The following PTPRT variants were observed in gnomAD, a reference collection of about 807,000 sequenced individuals.
The protein encoded by PTPRT is receptor-type tyrosine-protein phosphatase T.
A neutral mutation model predicts 176.8 loss-of-function variants in PTPRT; 56 were observed. That is an observed-to-expected ratio of 0.32 (90% CI 0.26 to 0.40). PTPRT has a LOEUF of 0.40. Among genes scored for constraint, PTPRT ranks in the 10% least tolerant of loss-of-function variants. The pLI is 1.00. For missense variants in PTPRT, 1,540 were observed against 1,908.2 expected (o/e 0.81, Z 3.60); for synonymous variants, 783 against 739.0 (o/e 1.06, Z -0.96).
At position 42,616,450 on chromosome 20, in the gene PTPRT, A is replaced by C. The variant is rs1387904403; in HGVS notation, c.1153+61416T>G. Among the ~76,000 whole-genome samples, 3 of 125,884 alleles carry C rather than the reference A, an allele frequency of 2.4e-5. 1 individual carries two copies. The highest frequency in any genetic ancestry group is 5.0e-5 in the Non-Finnish European group (3 of 60,396). 82.6% of individuals were successfully genotyped at this position (125,884 alleles called of 152,430 possible). ...TTTTTTGGTTCCATATGAACTTTAA[A>C]GTAGTTTTTTCCAATTCTGTGAAGA... On this transcript the variant is annotated intron_variant, in intron 7 of 30. Coordinates refer to ENST00000373187, the MANE Select transcript of PTPRT (RefSeq NM_007050.6).
At chr20:42,595,639 C>T (rs369990309) in intron 7 of PTPRT, among the ~76,000 whole-genome samples, 3 of 152,172 alleles carry the variant, frequency 2.0e-5, no homozygotes, top group Admixed American at 6.5e-5. Flanking sequence ...CATGCTGCAG[C>T]CCCTACCTAA....
intron 8 of PTPRT, among the ~76,000 whole-genome samples, chr20:42,465,953 G>A (rs867669500): frequency 2.0e-5 from 3 of 152,032 alleles, no homozygotes; most frequent in Non-Finnish European, 4.4e-5. Flanking sequence ...AGGCCCCAGG[G>A]TGTGCTGTTC....
At position 42,591,885 on chromosome 20, in the gene PTPRT, C is replaced by T. The variant is rs146065981; in HGVS notation, c.1153+85981G>A. 4.2e-3 allele frequency among the ~76,000 whole-genome samples: 639 copies of T among 151,620 alleles called. 5 individuals carry two copies. Among genetic ancestry groups the T allele is most frequent in the African/African-American group, 0.015 (611 of 41,272 alleles). ...AATGAGAATAATGTATATAAGAGAC[C>T]GAGCACTGGTGGAGGATATAGCACA... On this transcript the variant is annotated intron_variant, in intron 7 of 30. Coordinates refer to ENST00000373187, the MANE Select transcript of PTPRT (RefSeq NM_007050.6).
At chr20:42,892,679 C>G (rs971094177) in intron 1 of PTPRT, among the ~76,000 whole-genome samples, 3 of 152,064 alleles carry the variant, frequency 2.0e-5, no homozygotes, top group African/African-American at 7.2e-5. Context: ...TGCTGAAAGT[C>G]CTAGTAGCTC....
At chr20:42,644,839 T>C (rs1216181072) in intron 7 of PTPRT, among the ~76,000 whole-genome samples, 1 of 152,184 alleles carries the variant, frequency 6.6e-6, no homozygotes, top group Non-Finnish European at 1.5e-5. Flanking sequence ...CAATAACTTA[T>C]ATTCATATGT....
intron 2 of PTPRT, among the ~76,000 whole-genome samples, chr20:42,826,100 A>T (rs2077987922): frequency 6.6e-6 from 1 of 152,040 alleles, no homozygotes; most frequent in Admixed American, 6.6e-5. Context: ...AGCAGAGAGG[A>T]TATAGCTTCA....
At chr20:42,473,201 G>T (rs2145294681) in intron 7 of PTPRT, among the ~76,000 whole-genome samples, 1 of 151,786 alleles carries the variant, frequency 6.6e-6, no homozygotes, top group Admixed American at 6.6e-5. Flanking sequence ...TTCTCCCCTG[G>T]TCCCTCTGGG....
chr20:43,132,914 A>G (rs2146383273), intron 1 of PTPRT, among the ~76,000 whole-genome samples: 1 of 152,188 alleles, frequency 6.6e-6, no homozygotes, highest in East Asian at 1.9e-4. Context: ...ATAATTATAT[A>G]TGAGTAAAGG....
At chr20:42,532,824 C>T (rs1012479330) in intron 7 of PTPRT, among the ~76,000 whole-genome samples, 1 of 152,126 alleles carries the variant, frequency 6.6e-6, no homozygotes, top group African/African-American at 2.4e-5. Context: ...AAACCCAGTC[C>T]TTTCAATACA....
chr20:42,716,924 A>G (rs73618862), intron 6 of PTPRT, among the ~76,000 whole-genome samples: 3 of 151,974 alleles, frequency 2.0e-5, no homozygotes, highest in Non-Finnish European at 2.9e-5. Context: ...TTCTCAGCAA[A>G]CTATCATAAG....
intron 1 of PTPRT, among the ~76,000 whole-genome samples, chr20:43,181,822 TAAC>T (rs1018244033): frequency 2.6e-4 from 40 of 152,088 alleles, no homozygotes; most frequent in African/African-American, 9.4e-4. Flanking sequence ...TAATAAATAA[TAAC>T]AAACCAAGAC....
chr20:42,119,924 A>T lies in PTPRT; in HGVS notation c.2884+11T>A, dbSNP rs776982397. 1.9e-5 allele frequency: 31 copies of T among 1,607,148 alleles called. No individual in the cohort carries two copies. The highest frequency in any genetic ancestry group is 2.6e-5 in the Non-Finnish European group (31 of 1,176,402). On this transcript the variant is annotated intron_variant, in intron 20 of 30. Transcript: ENST00000373187. ...CCTCTCTGAGGCACTAGGTGGAGGGAGGGCACTTACCTTGAGTCGCAATGT... is the reference window on the plus strand; with the variant it reads ...CCTCTCTGAGGCACTAGGTGGAGGGTGGGCACTTACCTTGAGTCGCAATGT...
At chr20:42,537,374 T>G (rs910530185) in intron 7 of PTPRT, among the ~76,000 whole-genome samples, 6 of 152,170 alleles carry the variant, frequency 3.9e-5, no homozygotes, top group African/African-American at 1.4e-4. Flanking sequence ...ATAAATGCAG[T>G]TATAATCTGT....
intron 1 of PTPRT, among the ~76,000 whole-genome samples, chr20:42,953,852 G>A (rs568158173): frequency 6.7e-4 from 102 of 152,276 alleles, no homozygotes; most frequent in Non-Finnish European, 1.1e-3. Flanking sequence ...GCTTTGTAGG[G>A]TGCTTAGCAG....
intron 7 of PTPRT, among the ~76,000 whole-genome samples, chr20:42,515,393 G>C (rs2072042500): frequency 6.6e-6 from 1 of 152,156 alleles, no homozygotes; most frequent in South Asian, 2.1e-4. Flanking sequence ...TGAGGCAGGA[G>C]AATTGCTTGA....
In PTPRT at chr20:42,508,127, T is replaced by TGTGTGTGTGTGTGTGTGTG. The variant is rs1555871976; in HGVS notation, c.1154-35566_1154-35565insCACACACACACACACACAC. Reference sequence around the variant, plus strand: ...TTAATAAAATCAGTAATTACCCTTTTTGTGTGTGTGTGTGTGTGTGTGTAT... The same window carrying TGTGTGTGTGTGTGTGTGTG: ...TTAATAAAATCAGTAATTACCCTTTTGTGTGTGTGTGTGTGTGTGTGTGTGTGTGTGTGTGTGTGTGTAT... On this transcript the variant is annotated intron_variant, in intron 7 of 30. Transcript: ENST00000373187. Among the ~76,000 whole-genome samples the TGTGTGTGTGTGTGTGTGTG allele has an allele frequency of 1.3e-3, 193 of 146,694 alleles. 2 individuals are homozygous for TGTGTGTGTGTGTGTGTGTG. The highest frequency in any genetic ancestry group is 4.7e-3 in the African/African-American group (183 of 38,602).
intron 27 of PTPRT, among the ~76,000 whole-genome samples, chr20:42,095,183 C>G (rs1027436607): frequency 6.6e-5 from 10 of 152,186 alleles, no homozygotes; most frequent in Non-Finnish European, 1.3e-4. Context: ...TTTCAGAAAC[C>G]ACTCTTCCCC....
At chr20:43,055,337 G>T (rs1016865579) in intron 1 of PTPRT, among the ~76,000 whole-genome samples, 1 of 152,154 alleles carries the variant, frequency 6.6e-6, no homozygotes, top group Admixed American at 6.5e-5. Flanking sequence ...GTTTAGCTTG[G>T]CCTCCTTCAG....
intron 12 of PTPRT, among the ~76,000 whole-genome samples, chr20:42,312,803 T>C (rs75177311): frequency 2.6e-3 from 12 of 4,670 alleles, no homozygotes. Context: ...AGTGAGATCC[T>C]TTTTTTTTTT....
Sources: gnomAD v4.1 joint callset for allele counts (sites outside exome capture counted in the v4.1 genomes callset) on GRCh38, gnomAD v4.1.1 for gene constraint, MANE v1.5 for transcripts, NCBI Gene and HGNC (gene_info 2026-07-23, HGNC 2026-07-21) for gene names.